TRIO: variants seen among roughly 807,000 people sequenced by gnomAD.
TRIO encodes trio Rho guanine nucleotide exchange factor, also known as triple functional domain protein.
Under a neutral mutation model 351.9 loss-of-function variants are expected in TRIO, and 58 were observed. That is an observed-to-expected ratio of 0.16 (90% CI 0.13 to 0.21). The LOEUF (loss-of-function observed/expected upper bound fraction) is 0.21. Ranked by LOEUF, TRIO falls within the 10% of genes least tolerant of loss-of-function variation. TRIO has a pLI of 1.00. For missense variants in TRIO, 3,201 were observed against 4,027.8 expected (o/e 0.79, Z 5.56); for synonymous variants, 1,758 against 1,595.7 (o/e 1.10, Z -2.42).
intron 16 of TRIO, 24 bp downstream of exon 16, chr5:14,367,003 G>A: frequency 6.2e-7 from 1 of 1,613,274 alleles, no homozygotes; most frequent in Non-Finnish European, 8.5e-7. Flanking sequence ...GCCTGCCTGT[G>A]TGTTGGCTCT....
At chr5:14,264,869 T>G (rs914551137) in intron 1 of TRIO, among the ~76,000 whole-genome samples, 4 of 152,226 alleles carry the variant, frequency 2.6e-5, no homozygotes, top group Admixed American at 2.0e-4. Context: ...GATGCAGATT[T>G]ATCACTCTTC....
chr5:14,345,329 C>T (rs142939498), intron 11 of TRIO, among the ~76,000 whole-genome samples: 157 of 152,220 alleles, frequency 1.0e-3, no homozygotes, highest in African/African-American at 3.4e-3. Context: ...TCATTTGTAA[C>T]GCAGTTTTTC....
chr5:14,294,713 A>G (rs1267868327), intron 6 of TRIO, among the ~76,000 whole-genome samples: 1 of 152,186 alleles, frequency 6.6e-6, no homozygotes, highest in Non-Finnish European at 1.5e-5. Context: ...AAGGCTGTTT[A>G]ACCTCTTCGA....
In TRIO at chr5:14,364,764, A is replaced by G; in HGVS notation, c.2702A>G (p.Lys901Arg). The G allele has an allele frequency of 6.2e-7, 1 of 1,612,460 alleles. No individual in the cohort carries two copies. The highest frequency in any genetic ancestry group is 8.5e-7 in the Non-Finnish European group (1 of 1,180,012). ...ELDLAAEQHR[K>R]HLEQCVQLRH... ...GATTTAGCCGCAGAGCAGCATCGGA[A>G]ACACCTGGAGCAGTGCGTGCAGCTG... Residue 901 changes from lysine to arginine, a missense_variant, in exon 15 of 57, where the codon AAA becomes AGA. Around this residue, in one of 19 missense-constraint regions of TRIO, gnomAD observed 363 missense variants for 553.5 expected, o/e 0.66. Coordinates refer to ENST00000344204, the MANE Select transcript of TRIO (RefSeq NM_007118.4).
At chr5:14,360,460 C>T (rs896729214) in intron 13 of TRIO, among the ~76,000 whole-genome samples, 10 of 152,332 alleles carry the variant, frequency 6.6e-5, no homozygotes, top group East Asian at 1.9e-4. Context: ...TGTGACAGCC[C>T]GAAGGCCTCC....
chr5:14,192,775 G>A (rs1391447598), intron 1 of TRIO, among the ~76,000 whole-genome samples: 3 of 152,176 alleles, frequency 2.0e-5, no homozygotes, highest in Admixed American at 6.5e-5. Context: ...TAGACATTAC[G>A]TAGCCTCAGA....
chr5:14,459,989 C>T (rs1345572366), intron 34 of TRIO, among the ~76,000 whole-genome samples: 4 of 152,004 alleles, frequency 2.6e-5, no homozygotes, highest in African/African-American at 7.3e-5. Context: ...GATCTTGGCC[C>T]ACCGCAAGCT....
At chr5:14,430,101 G>T (rs570444599) in intron 34 of TRIO, among the ~76,000 whole-genome samples, 1 of 150,972 alleles carries the variant, frequency 6.6e-6, no homozygotes, top group East Asian at 2.0e-4. Flanking sequence ...CTGGAAGATA[G>T]AATTCTAGGC....
intron 1 of TRIO, among the ~76,000 whole-genome samples, chr5:14,183,365 T>A (rs1789908739): frequency 6.6e-6 from 1 of 152,124 alleles, no homozygotes; most frequent in African/African-American, 2.4e-5. Flanking sequence ...TAATAGTAAG[T>A]ATGCAGTAAA....
chr5:14,286,471 A>G lies in TRIO; in HGVS notation c.348-400A>G, dbSNP rs1736453207. On this transcript the variant is annotated intron_variant, in intron 3 of 56. Transcript: ENST00000344204. The surrounding 1 kb of genome is among the most constrained non-coding windows in gnomAD (Gnocchi z 4.4). ...CTGTCCCCAGTCTGGGTTTTGTTGC[A>G]GGCTGTCAGGGTTTTGTACTCACCC... Among the ~76,000 whole-genome samples the G allele has an allele frequency of 6.6e-6, 1 of 152,086 alleles. No homozygotes were observed. Among genetic ancestry groups the G allele is most frequent in the Non-Finnish European group, 1.5e-5 (1 of 68,016 alleles).
chr5:14,469,878 G>A (rs189625023), intron 37 of TRIO, among the ~76,000 whole-genome samples: 6 of 152,232 alleles, frequency 3.9e-5, no homozygotes, highest in Admixed American at 3.9e-4. Context: ...GGCATCTGGA[G>A]CCTTTCTCTT....
At chr5:14,163,789 C>G (rs1241431146) in intron 1 of TRIO, among the ~76,000 whole-genome samples, 5 of 152,140 alleles carry the variant, frequency 3.3e-5, no homozygotes, top group South Asian at 2.1e-4. Flanking sequence ...TTTTAAAGTA[C>G]TTGTAGTTAG....
intron 3 of TRIO, among the ~76,000 whole-genome samples, chr5:14,285,461 G>A (rs987681722): frequency 6.6e-6 from 1 of 151,918 alleles, no homozygotes; most frequent in Non-Finnish European, 1.5e-5. Flanking sequence ...CTTTGCATTT[G>A]TAAAACGTGG....
intron 41 of TRIO, among the ~76,000 whole-genome samples, chr5:14,478,670 C>T (rs987904169): frequency 2.6e-5 from 4 of 151,158 alleles, no homozygotes; most frequent in African/African-American, 7.3e-5. Context: ...AAGGGTGTTG[C>T]GGCCAGGTGT....
At chr5:14,352,374 C>T (rs1743215800) in intron 11 of TRIO, among the ~76,000 whole-genome samples, 1 of 152,220 alleles carries the variant, frequency 6.6e-6, no homozygotes, top group Non-Finnish European at 1.5e-5. Flanking sequence ...TCTCTTGCTG[C>T]TGGGCAAAGA....
At position 14,225,803 on chromosome 5, in the gene TRIO, C is replaced by CA. The variant is rs1554036809; in HGVS notation, c.158-45021dup. Among the ~76,000 whole-genome samples, 12 of 143,300 alleles carry CA rather than the reference C, an allele frequency of 8.4e-5. 1 individual carries two copies. Among genetic ancestry groups the CA allele is most frequent in the Admixed American group, 3.4e-4 (5 of 14,522 alleles). The allele number at this position is 143,300 out of a possible 152,430, so 94.0% of individuals were successfully genotyped here. ...TATTCACTGCTCCCACCCCCCCCCC[C>CA]ACCTCCAAGCCCAAAAGGATGATAC... On this transcript the variant is annotated intron_variant, in intron 1 of 56. Transcript: ENST00000344204.
intron 1 of TRIO, among the ~76,000 whole-genome samples, chr5:14,172,828 A>G (rs1789179705): frequency 1.3e-5 from 2 of 152,190 alleles, no homozygotes; most frequent in Non-Finnish European, 2.9e-5. Flanking sequence ...ACAGAATAAC[A>G]TAGGTGCTAT....
chr5:14,298,897 A>G (rs1737615409), intron 7 of TRIO, among the ~76,000 whole-genome samples: 1 of 152,236 alleles, frequency 6.6e-6, no homozygotes. Context: ...AACCATCTTC[A>G]TGACCCTGTA....
At chr5:14,425,019 G>A (rs1240731409) in intron 34 of TRIO, among the ~76,000 whole-genome samples, 3 of 152,172 alleles carry the variant, frequency 2.0e-5, no homozygotes, top group East Asian at 3.9e-4. Flanking sequence ...GCTAACGCAC[G>A]TGAGGGTCTC....
Sources: allele counts gnomAD v4.1 joint callset (sites outside exome capture counted in the v4.1 genomes callset), GRCh38; gene constraint gnomAD v4.1.1; regional missense constraint gnomAD v4.1.1; non-coding constraint Gnocchi (gnomAD v3.1); transcripts MANE v1.5; gene names NCBI Gene and HGNC (gene_info 2026-07-23, HGNC 2026-07-21).